The following DPP6 variants were observed in gnomAD, a reference collection of about 807,000 sequenced individuals.
The protein encoded by DPP6 is dipeptidyl peptidase like 6, also known as A-type potassium channel modulatory protein DPP6.
Under a neutral mutation model 122.6 loss-of-function variants are expected in DPP6, and 69 were observed. The ratio of observed to expected loss-of-function variants is 0.56; its 90% CI spans 0.46 to 0.69. DPP6 has a LOEUF of 0.69. Among genes scored for constraint, DPP6 ranks in the 30% least tolerant of loss-of-function variants. DPP6 has a pLI of 0.00. For missense variants in DPP6, 928 were observed against 1,116.9 expected (o/e 0.83, Z 2.41); for synonymous variants, 418 against 433.1 (o/e 0.97, Z 0.43).
intron 1 of DPP6, among the ~76,000 whole-genome samples, chr7:154,060,717 G>T (rs1252268462): frequency 9.2e-5 from 8 of 87,328 alleles, no homozygotes; most frequent in African/African-American, 1.5e-4. Flanking sequence ...CCCATCGCAG[G>T]GGGGGAGGCA....
At position 154,877,554 on chromosome 7, in the gene DPP6, C is replaced by T. The variant is rs536639648; in HGVS notation, c.2078+1454C>T. On this transcript the variant is annotated intron_variant, in intron 20 of 25. Coordinates refer to ENST00000377770, the MANE Select transcript of DPP6 (RefSeq NM_130797.4). This position sits in a 1 kb window ranked among gnomAD's most constrained non-coding sequence, Gnocchi z 5.2. ...GGCTCTCTCCGTCTCTCCGCCCAGC[C>T]AGCCATGATGGTCTCATCCTAAGCC... 6.6e-6 allele frequency among the ~76,000 whole-genome samples: 1 copy of T among 152,324 alleles called. No individual in the cohort carries two copies. Among genetic ancestry groups the T allele is most frequent in the East Asian group, 1.9e-4 (1 of 5,180 alleles).
At chr7:154,867,174 G>A (rs1414005775) in intron 17 of DPP6, among the ~76,000 whole-genome samples, 3 of 152,200 alleles carry the variant, frequency 2.0e-5, no homozygotes, top group Non-Finnish European at 4.4e-5. Flanking sequence ...TTATCCCCAT[G>A]TGTAGGCTTA....
intron 1 of DPP6, among the ~76,000 whole-genome samples, chr7:154,417,925 T>A (rs1172830525): frequency 6.6e-6 from 1 of 152,222 alleles, no homozygotes; most frequent in East Asian, 1.9e-4. Context: ...GACAGAATAT[T>A]ATTACCCTTC....
chr7:154,817,719 C>T, intron 16 of DPP6, among the ~76,000 whole-genome samples: 1 of 151,328 alleles, frequency 6.6e-6, no homozygotes, highest in Non-Finnish European at 1.5e-5. Context: ...TGATTGATGC[C>T]ATGGATGTCA....
chr7:153,814,652 C>T, the DPP6 span, among the ~76,000 whole-genome samples: 1 of 152,094 alleles, frequency 6.6e-6, no homozygotes, highest in Non-Finnish European at 1.5e-5. Flanking sequence ...AGAGACACAA[C>T]CAAAAAGGAG....
At chr7:154,340,626 AT>A (rs939099268) in intron 1 of DPP6, among the ~76,000 whole-genome samples, 2 of 152,252 alleles carry the variant, frequency 1.3e-5, no homozygotes, top group African/African-American at 2.4e-5. Context: ...TTTGAAAAAA[AT>A]ACTTCCATTA....
chr7:153,772,970 AAG>A, the DPP6 span, among the ~76,000 whole-genome samples: 1,547 of 71,492 alleles, frequency 0.022, 20 homozygotes, highest in Non-Finnish European at 0.029. Context: ...TATAAAAGAA[AAG>A]ACTTATATAT....
At chr7:154,574,225 C>T (rs917203958) in intron 5 of DPP6, among the ~76,000 whole-genome samples, 8 of 134,326 alleles carry the variant, frequency 6.0e-5, no homozygotes, top group South Asian at 2.5e-4. Context: ...GTGTGTGTGG[C>T]GTGTGTGTGG....
chr7:154,586,320 A>C (rs1033226231), intron 5 of DPP6, among the ~76,000 whole-genome samples: 3 of 152,080 alleles, frequency 2.0e-5, no homozygotes, highest in Non-Finnish European at 4.4e-5. Flanking sequence ...GAGACAGAGG[A>C]GCTTTCCCAG....
intron 1 of DPP6, chr7:154,305,284 C>T: frequency 7.6e-7 from 1 of 1,313,844 alleles, no homozygotes; most frequent in Non-Finnish European, 9.7e-7. Flanking sequence ...CAGCTTCCTG[C>T]TTCGGATCCT....
chr7:154,072,947 G>A (rs1428407657), intron 1 of DPP6, among the ~76,000 whole-genome samples: 1 of 152,210 alleles, frequency 6.6e-6, no homozygotes. Context: ...ACACGCTCAC[G>A]CAGTTCCTGC....
At chr7:154,208,823 A>G (rs1043261308) in intron 1 of DPP6, among the ~76,000 whole-genome samples, 4 of 152,166 alleles carry the variant, frequency 2.6e-5, no homozygotes, top group Non-Finnish European at 4.4e-5. Context: ...ATCAGAATAT[A>G]ACTTTCTTCC....
At chr7:154,599,287 C>T (rs1326736119) in intron 5 of DPP6, among the ~76,000 whole-genome samples, 1 of 152,068 alleles carries the variant, frequency 6.6e-6, no homozygotes, top group Non-Finnish European at 1.5e-5. Flanking sequence ...TAAGGACTGC[C>T]ATTCCGTTTT....
At chr7:154,196,989 C>T (rs1440480345) in intron 1 of DPP6, among the ~76,000 whole-genome samples, 1 of 152,044 alleles carries the variant, frequency 6.6e-6, no homozygotes, top group Non-Finnish European at 1.5e-5. Context: ...TCTTTAATCT[C>T]CAAGTTTCTA....
intron 16 of DPP6, among the ~76,000 whole-genome samples, chr7:154,847,688 C>T (rs971779603): frequency 6.6e-6 from 1 of 152,146 alleles, no homozygotes; most frequent in South Asian, 2.1e-4. Flanking sequence ...AAACTCCACT[C>T]TTTTAGCAAT....
chr7:154,696,899 A>G (rs975492014), intron 7 of DPP6, among the ~76,000 whole-genome samples: 3 of 152,180 alleles, frequency 2.0e-5, no homozygotes, highest in Non-Finnish European at 4.4e-5. Flanking sequence ...CTGGTCAGAA[A>G]TCATGTCTAA....
rs1823271138 is a variant in DPP6 at position 154,481,359 on chromosome 7, G to GTGTGTGTGTGTC, written c.457+6333_457+6334insCTGTGTGTGTGT. Among the ~76,000 whole-genome samples, 1 of 151,602 alleles carries GTGTGTGTGTGTC rather than the reference G, an allele frequency of 6.6e-6. No individual in the cohort carries two copies. The highest frequency in any genetic ancestry group is 2.4e-5 in the African/African-American group (1 of 41,252). The stretch of plus-strand genomic sequence containing the variant: ...GAGAGAGAGAGGGGTGTGTGTGTGT[G>GTGTGTGTGTGTC]TGTGTGTGTGTGTGTCTGTGTGTGT... On this transcript the variant is annotated intron_variant, in intron 3 of 25. Transcript: ENST00000377770. The surrounding 1 kb of genome is among the most constrained non-coding windows in gnomAD (Gnocchi z 4.2).
chr7:154,881,548 G>A lies in DPP6; in HGVS notation c.2133+606G>A, dbSNP rs555663123. 1.8e-4 allele frequency among the ~76,000 whole-genome samples: 27 copies of A among 152,306 alleles called. No individual in the cohort carries two copies. In the South Asian group the frequency reaches 5.6e-3, roughly 32 times the overall value. On this transcript the variant is annotated intron_variant, in intron 21 of 25. Transcript: ENST00000377770. ...ACCTGGGGCCTCTTGATCTCAAGAA[G>A]GCCAGCACACAGATGGGTCGGTATA...
At chr7:154,669,678 T>A (rs1838431194) in intron 7 of DPP6, among the ~76,000 whole-genome samples, 1 of 152,134 alleles carries the variant, frequency 6.6e-6, no homozygotes, top group African/African-American at 2.4e-5. Flanking sequence ...GGTTCCTACA[T>A]CTGACATGGT....
Sources: allele counts gnomAD v4.1 joint callset (sites outside exome capture counted in the v4.1 genomes callset), GRCh38; gene constraint gnomAD v4.1.1; non-coding constraint Gnocchi (gnomAD v3.1); transcripts MANE v1.5; gene names NCBI Gene and HGNC (gene_info 2026-07-23, HGNC 2026-07-21).